The following TRIM48 variants were observed in gnomAD, a reference collection of about 807,000 sequenced individuals.
The protein encoded by TRIM48 is E3 ubiquitin-protein ligase TRIM48.
TRIM48 carries 31 observed loss-of-function variants against 29.5 expected under a neutral mutation model. The ratio of observed to expected loss-of-function variants is 1.05; its 90% CI spans 0.79 to 1.42. The LOEUF is 1.42. Among genes scored for constraint, TRIM48 ranks in the 40% most tolerant of loss-of-function variants. TRIM48 has a pLI of 0.00. For synonymous variants in TRIM48, 128 were observed against 90.6 expected (o/e 1.41, Z -2.34); for missense variants, 344 against 265.0 (o/e 1.30, Z -2.07).
Position 55,267,850 on chromosome 11 carries a change from A to G in TRIM48, c.556-500A>G, listed in dbSNP as rs184238020. ...TCCTACTTTATCCACCAGCCACAAA[A>G]CTTTGTGGAATGGTCAAGGTAACAG... On this transcript the variant is annotated intron_variant, in intron 3 of 5. Transcript: ENST00000417545. 3.3e-4 allele frequency among the ~76,000 whole-genome samples: 49 copies of G among 147,914 alleles called. 4 individuals carry two copies. The highest frequency in any genetic ancestry group is 1.2e-3 in the African/African-American group (47 of 40,546).
chr11:55,266,387 T>C lies in TRIM48; in HGVS notation c.555+692T>C, dbSNP rs182836197. Among the ~76,000 whole-genome samples, 83 of 147,524 alleles carry C rather than the reference T, an allele frequency of 5.6e-4. 3 individuals are homozygous for C. Among genetic ancestry groups the C allele is most frequent in the African/African-American group, 2.0e-3 (79 of 40,398 alleles). On this transcript the variant is annotated intron_variant, in intron 3 of 5. Transcript: ENST00000417545. ...CTGAGGGTATGATAGCTAATATTAGTGTGTTGAAAAGTATTTCATAAGAAC... is the reference window on the plus strand; with the variant it reads ...CTGAGGGTATGATAGCTAATATTAGCGTGTTGAAAAGTATTTCATAAGAAC...
intron 3 of TRIM48, among the ~76,000 whole-genome samples, chr11:55,266,345 C>A (rs547465404): frequency 6.8e-6 from 1 of 147,386 alleles, no homozygotes; most frequent in South Asian, 2.5e-4. Context: ...ATGATTTCCT[C>A]TTTGTGGATG....
In TRIM48 at chr11:55,268,359, G is replaced by C. The variant is rs146880838; in HGVS notation, c.565G>C (p.Asp189His). 7.4e-5 allele frequency: 114 copies of C among 1,550,376 alleles called. 10 individuals carry two copies. In the African/African-American group the frequency reaches 1.5e-3, roughly 21 times the overall value. ...TRISHWKAFG[D>H]ILYRSESVLL... ...TTTTTTTTTTTTACAGGCTTTTGGAGACATATTATACAGGTGAGTATGTAC... is the reference window on the plus strand; with the variant it reads ...TTTTTTTTTTTTACAGGCTTTTGGACACATATTATACAGGTGAGTATGTAC... Residue 189 changes from aspartate (D) to histidine (H), a missense_variant, in exon 4 of 6, where the codon GAC becomes CAC. Asp to His is a moderately conservative substitution (Grantham distance 81). Transcript: ENST00000417545.
intron 5 of TRIM48, 50 bp downstream of exon 5, chr11:55,269,389 G>A: frequency 6.5e-7 from 1 of 1,550,104 alleles, no homozygotes. Flanking sequence ...TATTATTATT[G>A]TTAGGATCAC....
At chr11:55,263,378 C>A (rs910232605) in intron 1 of TRIM48, among the ~76,000 whole-genome samples, 1 of 151,938 alleles carries the variant, frequency 6.6e-6, no homozygotes, top group East Asian at 1.9e-4. Context: ...AAAACCTAGG[C>A]GCAGTGACTC....
Position 55,269,670 on chromosome 11 carries a change from C to T in TRIM48, c.*1+331C>T, listed in dbSNP as rs191916773. On this transcript the variant is annotated intron_variant, in intron 5 of 5. Transcript: ENST00000417545. ...ATTTAATGTTAAATACAAAATTTTA[C>T]ATTTCTTTGGTGTATTCATTTGAAC... Among the ~76,000 whole-genome samples, 36 of 147,380 alleles carry T rather than the reference C, an allele frequency of 2.4e-4. 2 individuals are homozygous for T. Among genetic ancestry groups the T allele is most frequent in the Admixed American group, 1.2e-3 (18 of 14,502 alleles).
At chr11:55,270,012 T>C (rs1857456103) in intron 5 of TRIM48, among the ~76,000 whole-genome samples, 1 of 148,082 alleles carries the variant, frequency 6.8e-6, no homozygotes, top group Non-Finnish European at 1.5e-5. Flanking sequence ...TGGATTTTTA[T>C]CCAGTTATCT....
At chr11:55,270,324 T>A in intron 5 of TRIM48, 113 bp from the exon 6 acceptor site, 1 of 845,472 alleles carries the variant, frequency 1.2e-6, no homozygotes. Context: ...CTTGTGACTT[T>A]ACGTTTCCTG....
chr11:55,262,187 A>C lies in TRIM48; in HGVS notation c.-81A>C. The C allele has an allele frequency of 9.3e-7, 1 of 1,079,882 alleles. No individual in the cohort carries two copies. Among genetic ancestry groups the C allele is most frequent in the South Asian group, 1.3e-5 (1 of 74,366 alleles). 66.9% of individuals were successfully genotyped at this position (1,079,882 alleles called of 1,614,324 possible). A position where few individuals can be genotyped will look rare whatever the true frequency, so the allele number is the denominator to read the frequency against. On this transcript the variant is annotated 5_prime_UTR_variant, in exon 1 of 6. Coordinates refer to ENST00000417545, the MANE Select transcript of TRIM48 (RefSeq NM_024114.5). ...TCCAAAGGAGAAGGAGTGCACTTAG[A>C]GGGAGCTGTGTTTTGGTGACCTCTG...
chr11:55,265,287 C>A lies in TRIM48; in HGVS notation c.432C>A (p.Pro144=), dbSNP rs373220127. The part of the protein sequence containing the change: ...SQEHRYHRHC[P]AEWAAEEHWE... ...AGCACCGGTATCACAGACACTGTCC[C>A]GCTGAGTGGGCTGCTGAGGAACACT... is the stretch of plus-strand genomic sequence containing the variant. The change falls in exon 2 of 6, where the codon CCC becomes CCA. Residue 144 remains proline, a synonymous_variant. Transcript: ENST00000417545. 9.5e-6 allele frequency: 15 copies of A among 1,582,198 alleles called. 4 individuals are homozygous for A. Among genetic ancestry groups the A allele is most frequent in the Non-Finnish European group, 1.3e-5 (15 of 1,166,046 alleles).
chr11:55,268,230 C>T (rs1413195225), intron 3 of TRIM48, 120 bp from the exon 4 acceptor site: 4 of 921,780 alleles, frequency 4.3e-6, no homozygotes, highest in African/African-American at 3.4e-5. Flanking sequence ...AAATGCTTTG[C>T]AGAAGAGAAG....
At chr11:55,263,172 C>T (rs570000956) in intron 1 of TRIM48, among the ~76,000 whole-genome samples, 3 of 152,154 alleles carry the variant, frequency 2.0e-5, no homozygotes, top group East Asian at 3.9e-4. Context: ...TTTACTGCAC[C>T]TTTTCTGTAT....
At chr11:55,263,746 A>G (rs1283409025) in intron 1 of TRIM48, among the ~76,000 whole-genome samples, 2 of 152,196 alleles carry the variant, frequency 1.3e-5, no homozygotes, top group African/African-American at 4.8e-5. Flanking sequence ...CACGAGGGGA[A>G]TTCATCAGGA....
rs1377048151 is a variant in TRIM48 at position 55,265,586 on chromosome 11, T to C, written c.460-14T>C. 2 of 1,578,116 alleles carry C rather than the reference T, an allele frequency of 1.3e-6. No homozygotes were observed. Among genetic ancestry groups the C allele is most frequent in the Non-Finnish European group, 1.7e-6 (2 of 1,162,706 alleles). On this transcript the variant is annotated splice_polypyrimidine_tract_variant and intron_variant, in intron 2 of 5. Coordinates refer to ENST00000417545, the MANE Select transcript of TRIM48 (RefSeq NM_024114.5). ...TTGTCTTCACTGGTGCTTCAATTTA[T>C]GGCTCTTTTGCAGGAGAAGCTTTTA...
intron 3 of TRIM48, chr11:55,267,653 T>C: frequency 6.4e-7 from 1 of 1,565,900 alleles, no homozygotes; most frequent in Non-Finnish European, 8.7e-7. Flanking sequence ...AAACTCGCAA[T>C]GTGGTTTCAG....
In TRIM48 at chr11:55,269,718, G is replaced by T. The variant is rs182100284; in HGVS notation, c.*1+379G>T. Among the ~76,000 whole-genome samples the T allele has an allele frequency of 1.1e-3, 168 of 147,422 alleles. 21 individuals are homozygous for T. The highest frequency in any genetic ancestry group is 4.0e-3 in the South Asian group (16 of 4,042). ...AACAGTTAAGAACTGTTCTTTTGGGGAATATAGTTCGCTGGAGATTCTTGG... is the reference window on the plus strand; with the variant it reads ...AACAGTTAAGAACTGTTCTTTTGGGTAATATAGTTCGCTGGAGATTCTTGG... On this transcript the variant is annotated intron_variant, in intron 5 of 5. Transcript: ENST00000417545.
Position 55,270,410 on chromosome 11 carries a change from CTATT to C in TRIM48, c.*2-9_*2-6del, listed in dbSNP as rs1289817372. 2.6e-4 allele frequency: 364 copies of C among 1,394,144 alleles called. 2 individuals are homozygous for C. The highest frequency in any genetic ancestry group is 2.9e-4 in the South Asian group (20 of 68,082). 86.4% of individuals were successfully genotyped at this position (1,394,144 alleles called of 1,614,324 possible). On this transcript the variant is annotated intron_variant, in intron 5 of 5. Coordinates refer to ENST00000417545, the MANE Select transcript of TRIM48 (RefSeq NM_024114.5). The stretch of plus-strand genomic sequence containing the variant: ...GCATGTTTTCTTTCTTTCTTTCTTT[CTATT>C]TATTTATTTATTTATTTTGCAGTGG...
Position 55,265,595 on chromosome 11 carries a change from T to G in TRIM48, c.460-5T>G, listed in dbSNP as rs756320879. 3.8e-6 allele frequency: 6 copies of G among 1,579,742 alleles called. 1 individual carries two copies. The East Asian group carries it at 1.5e-4, about 38-fold the overall frequency. On this transcript the variant is annotated splice_region_variant and splice_polypyrimidine_tract_variant and intron_variant, in intron 2 of 5. Coordinates refer to ENST00000417545, the MANE Select transcript of TRIM48 (RefSeq NM_024114.5). ...CTGGTGCTTCAATTTATGGCTCTTT[T>G]GCAGGAGAAGCTTTTAAAGAAAATG...
chr11:55,269,865 T>A lies in TRIM48; in HGVS notation c.*1+526T>A, dbSNP rs937113526. On this transcript the variant is annotated intron_variant, in intron 5 of 5. Coordinates refer to ENST00000417545, the MANE Select transcript of TRIM48 (RefSeq NM_024114.5). Reference sequence around the variant, plus strand: ...AAACATCAAACAAAAAGAAGTTCAGTTTAATTGCAATATGAAAAGCTACAT... The same window carrying A: ...AAACATCAAACAAAAAGAAGTTCAGATTAATTGCAATATGAAAAGCTACAT... Among the ~76,000 whole-genome samples the A allele has an allele frequency of 2.7e-5, 4 of 147,776 alleles. 2 individuals carry two copies. The highest frequency in any genetic ancestry group is 6.0e-5 in the Non-Finnish European group (4 of 66,868).
Sources: allele counts gnomAD v4.1 joint callset (sites outside exome capture counted in the v4.1 genomes callset), GRCh38; gene constraint gnomAD v4.1.1; transcripts MANE v1.5; gene names NCBI Gene and HGNC (gene_info 2026-07-23, HGNC 2026-07-21).